ERCC1: variants seen among roughly 807,000 people sequenced by gnomAD.
The protein encoded by ERCC1 is ERCC excision repair 1, endonuclease non-catalytic subunit, also known as DNA excision repair protein ERCC-1.
In ERCC1, 36 loss-of-function variants were observed where a neutral mutation model predicts 37.6. The observed-to-expected ratio is 0.96, with a 90% confidence interval of 0.73 to 1.26. The LOEUF (loss-of-function observed/expected upper bound fraction) is 1.26. ERCC1 is among the 50% of genes most tolerant of loss of function. ERCC1 has a pLI of 0.00. For missense variants in ERCC1, 349 were observed against 376.5 expected, an observed-to-expected ratio of 0.93 and a Z score of 0.60; for synonymous variants, 156 against 162.1, an observed-to-expected ratio of 0.96 and a Z score of 0.28.
At chr19:45,424,047 A>C, upstream of ERCC1, 1 of 1,046,014 alleles carries the variant, frequency 9.6e-7, no homozygotes, top group Non-Finnish European at 1.2e-6. Flanking sequence ...TCTGGCTCCC[A>C]AACTGTTAAG....
intron 1 of ERCC1, among the ~76,000 whole-genome samples, chr19:45,440,520 T>A (rs1010727247): frequency 4.0e-5 from 6 of 151,856 alleles, no homozygotes; most frequent in African/African-American, 9.7e-5. Context: ...GATCTGGGGG[T>A]TGGAGCATGG....
At chr19:45,434,487 A>G (rs1288395180) in intron 1 of ERCC1, among the ~76,000 whole-genome samples, 1 of 152,144 alleles carries the variant, frequency 6.6e-6, no homozygotes, top group African/African-American at 2.4e-5. Context: ...GTAAAGCCCT[A>G]TCTCAAAAAA....
At position 45,420,336 on chromosome 19, in the gene ERCC1, G is replaced by A. The variant is rs752406317; in HGVS notation, c.413C>T (p.Ala138Val). 7 of 1,611,408 alleles carry A rather than the reference G, an allele frequency of 4.3e-6. No homozygotes were observed. The highest frequency in any genetic ancestry group is 1.1e-5 in the South Asian group (1 of 90,708). The change falls in exon 4 of 10, where the codon GCC becomes GTC. Residue 138 changes from alanine (A) to valine (V), a missense_variant. Coordinates refer to ENST00000300853, the MANE Select transcript of ERCC1 (RefSeq NM_001983.4). The surrounding 1 kb of genome is among the most constrained non-coding windows in gnomAD (Gnocchi z 4.8). Reference sequence around the variant, plus strand: ...CCGCAGAGCTCACCTGAGGAACAGGGCACAGGTGCTCTGGCCCAGCACATA... The same window carrying A: ...CCGCAGAGCTCACCTGAGGAACAGGACACAGGTGCTCTGGCCCAGCACATA... Reference protein sequence around the residue: ...PDYVLGQSTCALFLSLRYHNL... With the variant: ...PDYVLGQSTCVLFLSLRYHNL...
chr19:45,438,472 A>G (rs60888255), intron 1 of ERCC1, among the ~76,000 whole-genome samples: 11,899 of 151,054 alleles, frequency 0.079, 1,512 homozygotes, highest in African/African-American at 0.27. Context: ...TTGTTTATTT[A>G]TTTATTTTAA....
chr19:45,419,180 A>G lies in ERCC1; in HGVS notation c.443T>C (p.Leu148Pro), dbSNP rs772163667. The G allele has an allele frequency of 6.3e-6, 10 of 1,594,530 alleles. No homozygotes were observed. The highest frequency in any genetic ancestry group is 6.8e-6 in the Non-Finnish European group (8 of 1,169,590). Residue 148 changes from leucine (L) to proline (P), a missense_variant, in exon 5 of 10, where the codon CTG (leucine) becomes CCG (proline). Leu to Pro is a moderately conservative substitution (Grantham distance 98). Transcript: ENST00000300853. ...ALFLSLRYHN[L>P]HPDYIHGRLQ... The stretch of plus-strand genomic sequence containing the variant: ...CCGCCCATGGATGTAGTCTGGGTGC[A>G]GGTTGTGGTAGCGGAGGCTGGTGGG...
chr19:45,439,860 T>C (rs1975074057), intron 1 of ERCC1, among the ~76,000 whole-genome samples: 1 of 151,548 alleles, frequency 6.6e-6, no homozygotes, highest in Non-Finnish European at 1.5e-5. Flanking sequence ...GGGCCCTCAG[T>C]GGTCGCGAGG....
At chr19:45,442,578 T>G (rs1178967124) in intron 1 of ERCC1, among the ~76,000 whole-genome samples, 1 of 152,104 alleles carries the variant, frequency 6.6e-6, no homozygotes, top group Non-Finnish European at 1.5e-5. Context: ...ATGGGAAAAC[T>G]GAGGCTTGGA....
chr19:45,418,012 A>G (rs1357280214), intron 5 of ERCC1, among the ~76,000 whole-genome samples: 2 of 152,026 alleles, frequency 1.3e-5, no homozygotes, highest in African/African-American at 4.8e-5. Flanking sequence ...GGAATGCTTG[A>G]GGCCAGGAGT....
intron 6 of ERCC1, 33 bp downstream of exon 6, chr19:45,416,788 A>G (rs745569301): frequency 3.4e-5 from 53 of 1,562,628 alleles, no homozygotes; most frequent in Admixed American, 8.4e-5. Flanking sequence ...TCCCAGGTGG[A>G]GCCTGAATGA....
At chr19:45,434,496 A>G (rs1042499528) in intron 1 of ERCC1, among the ~76,000 whole-genome samples, 1 of 152,156 alleles carries the variant, frequency 6.6e-6, no homozygotes, top group African/African-American at 2.4e-5. Context: ...TATCTCAAAA[A>G]AAAGAAAAGA....
chr19:45,449,219 A>G (rs576833373), intron 1 of ERCC1: 1 of 152,350 alleles, frequency 6.6e-6, no homozygotes, highest in Admixed American at 6.5e-5. Flanking sequence ...TTCCAACCAC[A>G]TCTGCTAGTG....
intron 2 of ERCC1, 39 bp downstream of exon 2, chr19:45,423,231 C>A (rs747541209): frequency 6.3e-7 from 1 of 1,578,700 alleles, no homozygotes; most frequent in Non-Finnish European, 8.6e-7. Flanking sequence ...GTCCTAACAG[C>A]CCCCAGCCTC....
At position 45,409,433 on chromosome 19, in the gene ERCC1, G is replaced by C. The variant is rs2123435370; in HGVS notation, c.*242C>G. The C allele has an allele frequency of 6.2e-7, 1 of 1,613,620 alleles. No homozygotes were observed. Among genetic ancestry groups the C allele is most frequent in the Non-Finnish European group, 8.5e-7 (1 of 1,180,020 alleles). ...GATGCCAGGGCCGCCACTGAATTCA[G>C]AGTCTGGGGAGGAGGCTCCCACAGG... On this transcript the variant is annotated 3_prime_UTR_variant, in exon 10 of 10. Coordinates refer to ENST00000300853, the MANE Select transcript of ERCC1 (RefSeq NM_001983.4).
At chr19:45,426,634 T>C (rs1974700154), upstream of ERCC1, among the ~76,000 whole-genome samples, 1 of 151,816 alleles carries the variant, frequency 6.6e-6, no homozygotes, top group African/African-American at 2.4e-5. Flanking sequence ...TTACCTCAAA[T>C]GCCTTTTTCT....
At chr19:45,449,055 T>A (rs552455615) in intron 1 of ERCC1, 1 of 152,304 alleles carries the variant, frequency 6.6e-6, no homozygotes, top group South Asian at 2.1e-4. Context: ...TGACCTGACA[T>A]GCCCAGTGAG....
chr19:45,424,370 C>A (rs3212929), upstream of ERCC1: 16,104 of 152,302 alleles, frequency 0.11, 2,841 homozygotes, highest in African/African-American at 0.37. Flanking sequence ...GTTCCCAGTG[C>A]TGACCCAGAA....
upstream of ERCC1, among the ~76,000 whole-genome samples, chr19:45,428,040 T>C (rs1172920884): frequency 2.1e-5 from 3 of 145,868 alleles, no homozygotes; most frequent in East Asian, 7.4e-4. Flanking sequence ...GTTGGATTTC[T>C]ACCCTCAGTT....
At chr19:45,436,456 C>T (rs1411417119) in intron 1 of ERCC1, among the ~76,000 whole-genome samples, 2 of 151,994 alleles carry the variant, frequency 1.3e-5, no homozygotes, top group East Asian at 3.9e-4. Context: ...GAAACCCTGT[C>T]TCTACTAAAA....
At chr19:45,436,877 A>AGAGTCTGAGGTGGGAG (rs1339707521) in intron 1 of ERCC1, among the ~76,000 whole-genome samples, 4 of 152,158 alleles carry the variant, frequency 2.6e-5, no homozygotes, top group Admixed American at 2.0e-4. Context: ...GGACCCCGTG[A>AGAGTCTGAGGTGGGAG]GACCAAGAGT....
Sources: gnomAD v4.1 joint callset for allele counts (sites outside exome capture counted in the v4.1 genomes callset) on GRCh38, gnomAD v4.1.1 for gene constraint, Gnocchi (gnomAD v3.1) non-coding constraint, MANE v1.5 for transcripts, NCBI Gene and HGNC (gene_info 2026-07-23, HGNC 2026-07-21) for gene names.